Variants in SLC35F2 observed in about 807,000 individuals in gnomAD.
SLC35F2 encodes the protein queuine/queuosine transporter SLC35F2.
In SLC35F2, 25 loss-of-function variants were observed where a neutral mutation model predicts 38.1. That is an observed-to-expected ratio of 0.66 (90% CI 0.48 to 0.92). The LOEUF (loss-of-function observed/expected upper bound fraction) is 0.92. SLC35F2 is among the 40% of genes least tolerant of loss of function. SLC35F2 has a pLI of 0.00. For synonymous variants in SLC35F2, 173 were observed against 181.7 expected (o/e 0.95, Z 0.38); for missense variants, 409 against 452.9 (o/e 0.90, Z 0.88).
intron 2 of SLC35F2, among the ~76,000 whole-genome samples, chr11:107,813,405 A>C (rs1234580431): frequency 6.6e-6 from 1 of 152,196 alleles, no homozygotes; most frequent in Non-Finnish European, 1.5e-5. Flanking sequence ...AGATTGTGCC[A>C]TTGACCTGAA....
At chr11:107,845,950 C>CATAA (rs57548679) in intron 1 of SLC35F2, among the ~76,000 whole-genome samples, 37,741 of 142,756 alleles carry the variant, frequency 0.26, 5,159 homozygotes, top group Non-Finnish European at 0.27. Context: ...GAGATTCTGT[C>CATAA]ATAAATAAAT....
chr11:107,836,939 A>G (rs1368847051), intron 1 of SLC35F2, among the ~76,000 whole-genome samples: 1 of 152,212 alleles, frequency 6.6e-6, no homozygotes, highest in Non-Finnish European at 1.5e-5. Flanking sequence ...GTAACAAAAT[A>G]ATCACATCAA....
intron 1 of SLC35F2, chr11:107,823,926 CAAAAAAAAAAA>C (rs58357861): frequency 1.7e-6 from 1 of 604,134 alleles, no homozygotes; most frequent in Non-Finnish European, 2.0e-6. Flanking sequence ...AAGACAGTCT[CAAAAAAAAAAA>C]AAAAAAGAAA....
At chr11:107,808,796 C>T (rs1204618696) in intron 3 of SLC35F2, among the ~76,000 whole-genome samples, 1 of 152,172 alleles carries the variant, frequency 6.6e-6, no homozygotes, top group Non-Finnish European at 1.5e-5. Context: ...ATGATAATAC[C>T]CTGTCCCTGA....
intron 2 of SLC35F2, among the ~76,000 whole-genome samples, chr11:107,814,473 A>C (rs1357585587): frequency 6.6e-6 from 1 of 151,178 alleles, no homozygotes; most frequent in Non-Finnish European, 1.5e-5. Context: ...AAAAAAAAAA[A>C]GAAGAAGCTG....
chr11:107,793,509 A>AAG (rs1358311654), intron 7 of SLC35F2, among the ~76,000 whole-genome samples: 25 of 152,260 alleles, frequency 1.6e-4, no homozygotes, highest in African/African-American at 5.8e-4. Flanking sequence ...AGAGGAACGT[A>AAG]AGACTATGAT....
At chr11:107,844,900 CGGGA>C in intron 1 of SLC35F2, among the ~76,000 whole-genome samples, 1 of 150,344 alleles carries the variant, frequency 6.7e-6, no homozygotes, top group Non-Finnish European at 1.5e-5. Flanking sequence ...GGCGTGAACC[CGGGA>C]GGCAGAGCTT....
intron 1 of SLC35F2, 115 bp from the exon 2 acceptor site, chr11:107,816,080 T>A: frequency 7.6e-7 from 1 of 1,312,740 alleles, no homozygotes; most frequent in Non-Finnish European, 9.7e-7. Flanking sequence ...AAATGCTAAT[T>A]ATTCCAGGTG....
At chr11:107,809,026 C>T (rs991023286) in intron 3 of SLC35F2, among the ~76,000 whole-genome samples, 4 of 152,176 alleles carry the variant, frequency 2.6e-5, no homozygotes, top group African/African-American at 7.2e-5. Flanking sequence ...CCCGGCCCCA[C>T]GCTGACCAGC....
chr11:107,811,940 T>C (rs988908936), intron 2 of SLC35F2, 146 bp from the exon 3 acceptor site: 2 of 744,446 alleles, frequency 2.7e-6, no homozygotes, highest in Admixed American at 2.9e-5. Context: ...CTCATTCTGT[T>C]GCCCAGGTTG....
rs114852275 is a variant in SLC35F2 at position 107,798,213 on chromosome 11, G to A, written c.939+4788C>T. Among the ~76,000 whole-genome samples the A allele has an allele frequency of 5.2e-3, 794 of 151,982 alleles. 8 individuals are homozygous for A. Among genetic ancestry groups the A allele is most frequent in the African/African-American group, 0.018 (742 of 41,458 alleles). On this transcript the variant is annotated intron_variant, in intron 7 of 7. Coordinates refer to ENST00000525815, the MANE Select transcript of SLC35F2 (RefSeq NM_017515.5). ...GAGATGGGGTTTCACCATGTTGGCC[G>A]GGCTCGTCTCAAACTCCTGAACTAA...
intron 3 of SLC35F2, chr11:107,810,402 A>G: frequency 1.0e-6 from 1 of 984,844 alleles, no homozygotes; most frequent in South Asian, 4.7e-5. Flanking sequence ...ATCATTAGTT[A>G]GAGATCAAAG....
intron 1 of SLC35F2, among the ~76,000 whole-genome samples, chr11:107,825,396 G>A (rs1859740040): frequency 6.9e-6 from 1 of 145,190 alleles, no homozygotes; most frequent in African/African-American, 2.6e-5. Context: ...TTTTGAGATG[G>A]AGTCTCGATC....
intron 4 of SLC35F2, 133 bp from the exon 5 acceptor site, chr11:107,805,648 ATG>A: frequency 6.9e-7 from 1 of 1,451,300 alleles, no homozygotes. Context: ...CTAGAAGTTT[ATG>A]TGTGAGAGTG....
intron 7 of SLC35F2, among the ~76,000 whole-genome samples, chr11:107,800,060 T>TC (rs1158107533): frequency 6.6e-6 from 1 of 150,810 alleles, no homozygotes; most frequent in East Asian, 2.0e-4. Flanking sequence ...GGCTAATTTT[T>TC]TGTATTTTTA....
chr11:107,802,242 A>AAAAATAAATAAATAAATAAATAAATAAAT (rs559048077), intron 7 of SLC35F2, among the ~76,000 whole-genome samples: 3 of 147,892 alleles, frequency 2.0e-5, no homozygotes, highest in African/African-American at 7.7e-5. Flanking sequence ...CATCTCAAAA[A>AAAAATAAATAAATAAATAAATAAATAAAT]AAATAAATAA....
At chr11:107,804,571 C>A (rs990390588) in intron 6 of SLC35F2, 147 bp downstream of exon 6, 3 of 551,598 alleles carry the variant, frequency 5.4e-6, no homozygotes, top group Non-Finnish European at 9.3e-6. Flanking sequence ...AGAGAAAACT[C>A]AATGTAAACC....
intron 1 of SLC35F2, among the ~76,000 whole-genome samples, chr11:107,818,715 A>G (rs1309270501): frequency 3.3e-5 from 5 of 152,204 alleles, no homozygotes; most frequent in Non-Finnish European, 5.9e-5. Context: ...CCACATGACT[A>G]CATCATGCTT....
rs561857448 is a variant in SLC35F2 at position 107,845,663 on chromosome 11, T to C, written c.110+12995A>G. 9.1e-4 allele frequency among the ~76,000 whole-genome samples: 138 copies of C among 151,494 alleles called. No individual in the cohort carries two copies. The Middle Eastern group carries it at 0.014, about 15-fold the overall frequency. On this transcript the variant is annotated intron_variant, in intron 1 of 7. Transcript: ENST00000525815. ...ACTTGTTGGATGGCTTTCAATAACA[T>C]AGGCTCTGGCTGGGCACGGTGGCTC...
Sources: allele counts gnomAD v4.1 joint callset (sites outside exome capture counted in the v4.1 genomes callset), GRCh38; gene constraint gnomAD v4.1.1; transcripts MANE v1.5; gene names NCBI Gene and HGNC (gene_info 2026-07-23, HGNC 2026-07-21).